The following RAD50 variants were observed in gnomAD, a reference collection of about 807,000 sequenced individuals.
The protein encoded by RAD50 is DNA repair protein RAD50.
RAD50 carries 132 observed loss-of-function variants against 168.8 expected under a neutral mutation model. The observed-to-expected ratio is 0.78, with a 90% CI of 0.68 to 0.90. The LOEUF (loss-of-function observed/expected upper bound fraction) is 0.90. Among genes scored for constraint, RAD50 ranks in the 40% least tolerant of loss-of-function variants. RAD50 has a pLI of 0.00. For missense variants in RAD50, 1,347 were observed against 1,534.4 expected (o/e 0.88, Z 2.04); for synonymous variants, 525 against 497.4 (o/e 1.06, Z -0.74).
intron 5 of RAD50, among the ~76,000 whole-genome samples, chr5:132,583,205 A>G (rs1342162016): frequency 6.6e-6 from 1 of 152,168 alleles, no homozygotes; most frequent in Non-Finnish European, 1.5e-5. Flanking sequence ...TTTACTGCCT[A>G]ACACTAACCC....
At chr5:132,608,854 A>G (rs1480347092) in intron 17 of RAD50, 129 bp downstream of exon 17, 9 of 1,404,900 alleles carry the variant, frequency 6.4e-6, no homozygotes, top group South Asian at 1.6e-5. Context: ...GATTCATGGT[A>G]TAATTTTGAC....
intron 21 of RAD50, among the ~76,000 whole-genome samples, chr5:132,631,776 G>A (rs1453426199): frequency 1.3e-5 from 2 of 152,168 alleles, no homozygotes; most frequent in East Asian, 1.9e-4. Flanking sequence ...TATGATCACA[G>A]CTCACTGCAG....
At position 132,643,022 on chromosome 5, in the gene RAD50, G is replaced by C. The variant is rs1418525743; in HGVS notation, c.*658G>C. 1 of 528,934 alleles carries C rather than the reference G, an allele frequency of 1.9e-6. No individual in the cohort carries two copies. Among genetic ancestry groups the C allele is most frequent in the Non-Finnish European group, 3.8e-6 (1 of 262,340 alleles). The allele number at this position is 528,934 out of a possible 1,614,324, so 32.8% of individuals were successfully genotyped here. Reference sequence around the variant, plus strand: ...CCTTCCAGATGGTCATCCAGACTCAGAGCTCTCTCTACAGAGAGGAAATTC... The same window carrying C: ...CCTTCCAGATGGTCATCCAGACTCACAGCTCTCTCTACAGAGAGGAAATTC... On this transcript the variant is annotated 3_prime_UTR_variant, in exon 25 of 25. Transcript: ENST00000378823.
chr5:132,590,834 C>G (rs965718678), intron 9 of RAD50, among the ~76,000 whole-genome samples: 2 of 152,148 alleles, frequency 1.3e-5, no homozygotes, highest in Non-Finnish European at 2.9e-5. Context: ...TGGTCAGGGA[C>G]CACATCACAC....
intron 21 of RAD50, among the ~76,000 whole-genome samples, chr5:132,635,799 A>G (rs1751569731): frequency 6.6e-6 from 1 of 152,170 alleles, no homozygotes. Context: ...CTAACATTCC[A>G]TCAGTTTTGT....
intron 16 of RAD50, among the ~76,000 whole-genome samples, chr5:132,607,438 C>A (rs1429085511): frequency 1.3e-5 from 2 of 152,100 alleles, no homozygotes; most frequent in Non-Finnish European, 2.9e-5. Context: ...TAAGACTCAA[C>A]CAGTTATAAA....
At chr5:132,579,206 A>G in intron 3 of RAD50, 111 bp from the exon 4 acceptor site, 1 of 1,135,308 alleles carries the variant, frequency 8.8e-7, no homozygotes, top group Non-Finnish European at 1.3e-6. Flanking sequence ...GGGATAGGTG[A>G]AGGGCCTTTT....
At chr5:132,598,298 C>T (rs1381864237) in intron 13 of RAD50, among the ~76,000 whole-genome samples, 2 of 152,168 alleles carry the variant, frequency 1.3e-5, no homozygotes, top group Admixed American at 6.5e-5. Flanking sequence ...CAATCGCCTG[C>T]CTCAGCCTCC....
chr5:132,600,617 C>G (rs1750871798), intron 13 of RAD50, among the ~76,000 whole-genome samples: 1 of 152,182 alleles, frequency 6.6e-6, no homozygotes, highest in African/African-American at 2.4e-5. Context: ...TTGTCTAGTA[C>G]TGACTCAGAT....
intron 16 of RAD50, among the ~76,000 whole-genome samples, chr5:132,607,740 C>G (rs1751010670): frequency 6.6e-6 from 1 of 152,092 alleles, no homozygotes; most frequent in Admixed American, 6.5e-5. Context: ...GTTTATGCAG[C>G]TAATAGGAAG....
At chr5:132,582,906 G>A (rs929011470) in intron 5 of RAD50, among the ~76,000 whole-genome samples, 1 of 152,146 alleles carries the variant, frequency 6.6e-6, no homozygotes, top group Non-Finnish European at 1.5e-5. Context: ...AGATGTCAAA[G>A]AAGGAATTCA....
chr5:132,600,964 CT>C (rs1026369773), intron 13 of RAD50, among the ~76,000 whole-genome samples: 3 of 151,932 alleles, frequency 2.0e-5, no homozygotes, highest in African/African-American at 7.3e-5. Context: ...TTTAAAAAAC[CT>C]TGTGAATCGT....
At chr5:132,568,045 CA>C (rs1223290417) in intron 2 of RAD50, among the ~76,000 whole-genome samples, 1 of 151,798 alleles carries the variant, frequency 6.6e-6, no homozygotes, top group Non-Finnish European at 1.5e-5. Flanking sequence ...TTGGAATTAG[CA>C]GACAAGGATT....
In RAD50 at chr5:132,612,188, A is replaced by C. The variant is rs543991401; in HGVS notation, c.3036+2792A>C. ...ACAATGGAATATTATTCAGCCATAA[A>C]AAGGATACATGCTACCACATGAATG... On this transcript the variant is annotated intron_variant, in intron 19 of 24. Coordinates refer to ENST00000378823, the MANE Select transcript of RAD50 (RefSeq NM_005732.4). Among the ~76,000 whole-genome samples the C allele has an allele frequency of 5.3e-5, 8 of 152,354 alleles. No homozygotes were observed. In the South Asian group the frequency reaches 1.7e-3, roughly 32 times the overall value.
intron 21 of RAD50, among the ~76,000 whole-genome samples, chr5:132,621,725 C>T (rs1336530275): frequency 6.6e-6 from 1 of 152,136 alleles, no homozygotes; most frequent in African/African-American, 2.4e-5. Context: ...GTTGAGAAAT[C>T]ATTTTAATTA....
At chr5:132,629,819 TC>T (rs1751431984) in intron 21 of RAD50, among the ~76,000 whole-genome samples, 1 of 152,100 alleles carries the variant, frequency 6.6e-6, no homozygotes, top group Non-Finnish European at 1.5e-5. Flanking sequence ...TTATTAGTAA[TC>T]ATCTAAAAAC....
intron 20 of RAD50, 58 bp downstream of exon 20, chr5:132,616,188 G>A: frequency 1.3e-6 from 2 of 1,545,832 alleles, no homozygotes; most frequent in East Asian, 2.3e-5. Context: ...GGAATGTGAA[G>A]AATATTAAAT....
chr5:132,625,483 A>G (rs1173452167), intron 21 of RAD50, among the ~76,000 whole-genome samples: 1 of 152,190 alleles, frequency 6.6e-6, no homozygotes, highest in Non-Finnish European at 1.5e-5. Context: ...CAGGCATACA[A>G]TGCATAATAA....
chr5:132,570,073 A>C (rs1051787052), intron 2 of RAD50, among the ~76,000 whole-genome samples: 3 of 152,236 alleles, frequency 2.0e-5, no homozygotes, highest in Admixed American at 6.5e-5. Context: ...CAGAAAACGC[A>C]TTTCAATTTA....
Sources: allele counts gnomAD v4.1 joint callset (sites outside exome capture counted in the v4.1 genomes callset), GRCh38; gene constraint gnomAD v4.1.1; transcripts MANE v1.5; gene names NCBI Gene and HGNC (gene_info 2026-07-23, HGNC 2026-07-21).